The following VPS26C variants were observed in gnomAD, a reference collection of about 807,000 sequenced individuals.
The protein encoded by VPS26C is vacuolar protein sorting-associated protein 26C.
Under a neutral mutation model 30.6 loss-of-function variants are expected in VPS26C, and 19 were observed. The observed-to-expected ratio is 0.62, with a 90% confidence interval of 0.43 to 0.91. VPS26C has a LOEUF of 0.91. Ranked by LOEUF, VPS26C falls within the 40% of genes least tolerant of loss-of-function variation. The probability of loss-of-function intolerance (pLI) is 0.00; values close to 1 mark genes in which losing one functional copy is unlikely to be tolerated. For missense variants in VPS26C, 318 were observed against 385.1 expected, an observed-to-expected ratio of 0.83 and a Z score of 1.46; for synonymous variants, 132 against 151.5, an observed-to-expected ratio of 0.87 and a Z score of 0.95.
rs569085514 is a variant in VPS26C at position 37,227,817 on chromosome 21, G to A, written c.659-11C>T. On this transcript the variant is annotated splice_polypyrimidine_tract_variant and intron_variant, in intron 6 of 7. Coordinates refer to ENST00000309117, the MANE Select transcript of VPS26C (RefSeq NM_006052.2). Reference sequence around the variant, plus strand: ...AGCCTTCTGCACACCCTGCGGGAGGGAGGCCACATCACGCGGTCAGGGCCA... The same window carrying A: ...AGCCTTCTGCACACCCTGCGGGAGGAAGGCCACATCACGCGGTCAGGGCCA... The A allele has an allele frequency of 8.4e-5, 136 of 1,610,532 alleles. 1 individual carries two copies. The highest frequency in any genetic ancestry group is 1.0e-4 in the Non-Finnish European group (121 of 1,179,440).
chr21:37,254,800 T>A (rs1335418848), intron 1 of VPS26C, among the ~76,000 whole-genome samples: 1 of 149,940 alleles, frequency 6.7e-6, no homozygotes, highest in Non-Finnish European at 1.5e-5. Context: ...CAAAACTCTG[T>A]CTAGAAAAAA....
chr21:37,253,577 A>G (rs1473851966), intron 1 of VPS26C, among the ~76,000 whole-genome samples: 1 of 152,268 alleles, frequency 6.6e-6, no homozygotes, highest in Non-Finnish European at 1.5e-5. Flanking sequence ...ATAAAAAGTA[A>G]ACATTAATAA....
At chr21:37,251,564 C>T (rs1380062080) in intron 1 of VPS26C, among the ~76,000 whole-genome samples, 8 of 152,090 alleles carry the variant, frequency 5.3e-5, no homozygotes. Flanking sequence ...TAGATGCATA[C>T]AGTATCTTTG....
intron 7 of VPS26C, 74 bp downstream of exon 7, chr21:37,227,580 G>T: frequency 6.4e-7 from 1 of 1,551,606 alleles, no homozygotes; most frequent in South Asian, 1.1e-5. Context: ...TGAGCTCTGT[G>T]ACCCACAGCA....
chr21:37,267,226 G>GC lies in VPS26C; in HGVS notation c.57+11dup. On this transcript the variant is annotated intron_variant, in intron 1 of 7. Coordinates refer to ENST00000309117, the MANE Select transcript of VPS26C (RefSeq NM_006052.2). Reference sequence around the variant, plus strand: ...AACCCCACCTCCATCCCCACCCCCAGCCCCCACTTACCCCGGCGTGATAAA... The same window carrying GC: ...AACCCCACCTCCATCCCCACCCCCAGCCCCCCACTTACCCCGGCGTGATAAA... 8 of 297,378 alleles carry GC rather than the reference G, an allele frequency of 2.7e-5. No individual in the cohort carries two copies. Among genetic ancestry groups the GC allele is most frequent in the South Asian group, 8.6e-5 (3 of 34,712 alleles). The allele number at this position is 297,378 out of a possible 1,614,324, so 18.4% of individuals were successfully genotyped here.
rs748081375 is a variant in VPS26C at position 37,233,324 on chromosome 21, C to G, written c.432+38G>C. On this transcript the variant is annotated intron_variant, in intron 4 of 7. Coordinates refer to ENST00000309117, the MANE Select transcript of VPS26C (RefSeq NM_006052.2). This position sits in a 1 kb window ranked among gnomAD's most constrained non-coding sequence, Gnocchi z 5.2. ...AAACTCTCAGACCCCATGGGAGATT[C>G]CTATCATTAAGCACCAGAGTCCCCG... The G allele has an allele frequency of 1.3e-6, 2 of 1,550,682 alleles. No homozygotes were observed. Among genetic ancestry groups the G allele is most frequent in the Non-Finnish European group, 1.8e-6 (2 of 1,122,254 alleles).
At chr21:37,258,481 CCGTGCTTT>C (rs2086270017) in intron 1 of VPS26C, among the ~76,000 whole-genome samples, 1 of 152,214 alleles carries the variant, frequency 6.6e-6, no homozygotes, top group African/African-American at 2.4e-5. Context: ...CCCCAGGCTT[CCGTGCTTT>C]CGTTTTCCTG....
chr21:37,239,114 A>G (rs2086056680), intron 2 of VPS26C, among the ~76,000 whole-genome samples: 1 of 152,212 alleles, frequency 6.6e-6, no homozygotes. Flanking sequence ...TGTGGCCTGC[A>G]CAGACCTCCT....
chr21:37,234,145 G>A (rs1265163104), intron 3 of VPS26C, among the ~76,000 whole-genome samples: 3 of 152,196 alleles, frequency 2.0e-5, no homozygotes, highest in Non-Finnish European at 2.9e-5. Flanking sequence ...CTAGTTTACT[G>A]AATATGCAGT....
intron 1 of VPS26C, among the ~76,000 whole-genome samples, chr21:37,258,451 T>C (rs1428912979): frequency 6.6e-6 from 1 of 152,220 alleles, no homozygotes; most frequent in Non-Finnish European, 1.5e-5. Context: ...GCCCCGAACC[T>C]GATGAACGCG....
At chr21:37,252,350 T>G (rs910018157) in intron 1 of VPS26C, among the ~76,000 whole-genome samples, 10 of 152,344 alleles carry the variant, frequency 6.6e-5, no homozygotes, top group African/African-American at 2.4e-4. Context: ...TTTATGTAAC[T>G]GTTTCCATCT....
chr21:37,267,462 G>GCCCGC (rs35672675), upstream of VPS26C: 1 of 612,614 alleles, frequency 1.6e-6, no homozygotes, highest in Non-Finnish European at 2.9e-6. Flanking sequence ...AGGGGCGAAT[G>GCCCGC]CCCACGCCTT....
At chr21:37,247,369 T>C (rs778853868) in intron 1 of VPS26C, among the ~76,000 whole-genome samples, 4 of 152,174 alleles carry the variant, frequency 2.6e-5, no homozygotes, top group African/African-American at 7.2e-5. Context: ...AGAGGAAATA[T>C]GCTAATTTAC....
intron 1 of VPS26C, among the ~76,000 whole-genome samples, chr21:37,248,456 G>T (rs2086159157): frequency 1.3e-5 from 2 of 151,978 alleles, no homozygotes; most frequent in Admixed American, 1.3e-4. Flanking sequence ...GTAATTAAAA[G>T]ATAATATTCA....
chr21:37,247,857 C>T (rs2086152684), intron 1 of VPS26C, among the ~76,000 whole-genome samples: 1 of 152,128 alleles, frequency 6.6e-6, no homozygotes, highest in Admixed American at 6.5e-5. Flanking sequence ...CTTTACAATT[C>T]TAAAGGAGCA....
intron 1 of VPS26C, among the ~76,000 whole-genome samples, chr21:37,242,620 AT>A (rs1342993790): frequency 6.6e-6 from 1 of 152,180 alleles, no homozygotes; most frequent in African/African-American, 2.4e-5. Context: ...CCACTAGTAT[AT>A]TTTTTAAAGT....
intron 1 of VPS26C, among the ~76,000 whole-genome samples, chr21:37,243,346 C>T (rs773860509): frequency 2.6e-5 from 4 of 152,278 alleles, no homozygotes; most frequent in Admixed American, 1.3e-4. Flanking sequence ...ACACCGAAAT[C>T]GTGTGCAGGG....
intron 2 of VPS26C, among the ~76,000 whole-genome samples, chr21:37,239,048 T>C (rs1473392406): frequency 1.3e-5 from 2 of 152,028 alleles, no homozygotes; most frequent in Non-Finnish European, 2.9e-5. Context: ...CCCACCAGCT[T>C]CCTCGGAGCC....
chr21:37,258,526 T>C (rs2086270509), intron 1 of VPS26C, among the ~76,000 whole-genome samples: 1 of 152,214 alleles, frequency 6.6e-6, no homozygotes, highest in Non-Finnish European at 1.5e-5. Flanking sequence ...AGTCTACATA[T>C]TGTTACCTGG....
Sources: gnomAD v4.1 joint callset for allele counts (sites outside exome capture counted in the v4.1 genomes callset) on GRCh38, gnomAD v4.1.1 for gene constraint, Gnocchi (gnomAD v3.1) non-coding constraint, MANE v1.5 for transcripts, NCBI Gene and HGNC (gene_info 2026-07-23, HGNC 2026-07-21) for gene names.